The following IGHMBP2 variants were observed in gnomAD, a reference collection of about 807,000 sequenced individuals.
The protein encoded by IGHMBP2 is immunoglobulin mu DNA binding protein 2.
In IGHMBP2, 81 loss-of-function variants were observed where a neutral mutation model predicts 96.0. The ratio of observed to expected loss-of-function variants is 0.84; its 90% CI spans 0.71 to 1.01. The LOEUF is 1.01. Ranked by LOEUF, IGHMBP2 falls within the 50% of genes least tolerant of loss-of-function variation. The pLI, the probability that IGHMBP2 is intolerant of heterozygous loss-of-function variation, is 0.00. For missense variants in IGHMBP2, 1,227 were observed against 1,306.3 expected, an observed-to-expected ratio of 0.94 and a Z score of 0.94; for synonymous variants, 557 against 548.9, an observed-to-expected ratio of 1.01 and a Z score of -0.21.
At chr11:68,924,383 A>C (rs1170186562) in intron 7 of IGHMBP2, among the ~76,000 whole-genome samples, 3 of 152,386 alleles carry the variant, frequency 2.0e-5, no homozygotes, top group Middle Eastern at 3.4e-3. Flanking sequence ...GTAGCAGCTG[A>C]AAACAACCCA....
Position 68,906,133 on chromosome 11 carries a change from C to CAGGTA in IGHMBP2, c.152_156dup (p.Ser53ArgfsTer56). On this transcript the variant is annotated frameshift_variant, in exon 2 of 15. Coordinates refer to ENST00000255078, the MANE Select transcript of IGHMBP2 (RefSeq NM_002180.3). LOFTEE classifies it high-confidence loss of function. ...CCGAGGCGTGTGTTTGCTGAAGCTGCAGGTATCCAGCCAGCGCACTGGGCT... is the reference window on the plus strand; with the variant it reads ...CCGAGGCGTGTGTTTGCTGAAGCTGCAGGTAAGGTATCCAGCCAGCGCACTGGGCT... 1.9e-6 allele frequency: 3 copies of CAGGTA among 1,614,182 alleles called. No individual in the cohort carries two copies. The highest frequency in any genetic ancestry group is 2.5e-6 in the Non-Finnish European group (3 of 1,180,022).
intron 6 of IGHMBP2, among the ~76,000 whole-genome samples, chr11:68,916,975 CTTTTTTTTT>C (rs11418103): frequency 0.29 from 30,453 of 103,664 alleles, 4,647 homozygotes; most frequent in Admixed American, 0.51. Context: ...AAGGTTACAT[CTTTTTTTTT>C]TTTTTTTTTT....
At chr11:68,939,137 A>G (rs1859656760) in intron 14 of IGHMBP2, among the ~76,000 whole-genome samples, 1 of 152,136 alleles carries the variant, frequency 6.6e-6, no homozygotes, top group South Asian at 2.1e-4. Flanking sequence ...GAGGCTGGGC[A>G]TGTCCTGGCG....
intron 7 of IGHMBP2, among the ~76,000 whole-genome samples, chr11:68,921,994 G>T (rs1421049593): frequency 6.6e-6 from 1 of 152,136 alleles, no homozygotes; most frequent in African/African-American, 2.4e-5. Flanking sequence ...CCTTATCCTT[G>T]TTCCTTTGTA....
chr11:68,936,833 AG>A lies in IGHMBP2; in HGVS notation c.2356del (p.Ala786ProfsTer45), dbSNP rs750994603. 3.7e-6 allele frequency: 6 copies of A among 1,613,490 alleles called. No individual in the cohort carries two copies. In the East Asian group the frequency reaches 1.3e-4, roughly 36 times the overall value. The part of the protein sequence containing the change: ...GKRRFITVSK[R>X]APRPRAALGP... ...GAGGAGGTTCATCACTGTGAGCAAG[AG>A]GGCCCCGCGACCCCGAGCAGCCCTG... On this transcript the variant is annotated frameshift_variant, in exon 13 of 15. Transcript: ENST00000255078. LOFTEE classifies it high-confidence loss of function.
intron 13 of IGHMBP2, among the ~76,000 whole-genome samples, chr11:68,937,443 C>T (rs2154009011): frequency 6.6e-6 from 1 of 152,328 alleles, no homozygotes; most frequent in East Asian, 1.9e-4. Flanking sequence ...AACATGTGGC[C>T]CTGGAGGGTG....
chr11:68,915,195 T>TTTTTTTTTTTTTTTTTTTTTTTTTTTG (rs1858612142), intron 6 of IGHMBP2, among the ~76,000 whole-genome samples, 172 bp downstream of exon 6: 1 of 123,568 alleles, frequency 8.1e-6, no homozygotes, highest in Admixed American at 8.9e-5. Context: ...TTTTTTTTTT[T>TTTTTTTTTTTTTTTTTTTTTTTTTTTG]TGTGACAGAG....
Position 68,914,965 on chromosome 11 carries a change from C to G in IGHMBP2, c.854C>G (p.Ala285Gly). The G allele has an allele frequency of 6.2e-7, 1 of 1,614,088 alleles. No homozygotes were observed. Among genetic ancestry groups the G allele is most frequent in the Non-Finnish European group, 8.5e-7 (1 of 1,180,014 alleles). The change falls in exon 6 of 15, where the codon GCG becomes GGG. Residue 285 changes from alanine to glycine, a missense_variant. Around this residue, in one of 3 missense-constraint regions of IGHMBP2, gnomAD observed 507 missense variants for 496.9 expected, o/e 1.02. Coordinates refer to ENST00000255078, the MANE Select transcript of IGHMBP2 (RefSeq NM_002180.3). ...CAGCACTCCCTGGATGCGGTTTTAG[C>G]GCGGAGCGACAGTGCCCAGATTGTT... ...IQQHSLDAVL[A>G]RSDSAQIVAD...
At chr11:68,924,169 G>A (rs1390778314) in intron 7 of IGHMBP2, among the ~76,000 whole-genome samples, 1 of 152,182 alleles carries the variant, frequency 6.6e-6, no homozygotes, top group African/African-American at 2.4e-5. Context: ...ATTTGAGATG[G>A]GAGAGTAAAT....
chr11:68,935,257 G>C, intron 11 of IGHMBP2, 42 bp from the exon 12 acceptor site: 1 of 1,611,658 alleles, frequency 6.2e-7, no homozygotes, highest in Non-Finnish European at 8.5e-7. Context: ...TGCTGCGCTG[G>C]CATGGGTGGG....
intron 5 of IGHMBP2, among the ~76,000 whole-genome samples, chr11:68,914,451 G>A (rs535803508): frequency 6.4e-4 from 98 of 152,332 alleles, no homozygotes; most frequent in African/African-American, 2.3e-3. Flanking sequence ...CAGACCTGCA[G>A]GGGAGCATAC....
Position 68,903,979 on chromosome 11 carries a change from C to T in IGHMBP2, c.27C>T (p.Phe9=). 2 of 1,555,166 alleles carry T rather than the reference C, an allele frequency of 1.3e-6. No homozygotes were observed. Among genetic ancestry groups the T allele is most frequent in the Non-Finnish European group, 1.7e-6 (2 of 1,149,456 alleles). ...TGGCCTCGGCAGCTGTGGAGAGCTTCGTGACCAAGCAACTGGACCTGCTGG... is the reference window on the plus strand; with the variant it reads ...TGGCCTCGGCAGCTGTGGAGAGCTTTGTGACCAAGCAACTGGACCTGCTGG... The part of the protein sequence containing the change: MASAAVES[F]VTKQLDLLEL... The change falls in exon 1 of 15, where the codon TTC becomes TTT. Residue 9 remains phenylalanine, a synonymous_variant. Transcript: ENST00000255078.
chr11:68,930,411 C>T (rs111281309), intron 8 of IGHMBP2: 29 of 1,289,530 alleles, frequency 2.2e-5, no homozygotes, highest in African/African-American at 1.4e-4. Context: ...ATCACAGGGG[C>T]GTGGGCAGCC....
In IGHMBP2 at chr11:68,940,471, TC is replaced by T. The variant is rs1361603458; in HGVS notation, c.*743del. 4 of 152,180 alleles carry T rather than the reference TC, an allele frequency of 2.6e-5. No homozygotes were observed. Among genetic ancestry groups the T allele is most frequent in the Admixed American group, 2.0e-4 (3 of 15,280 alleles). 9.4% of individuals were successfully genotyped at this position (152,180 alleles called of 1,614,324 possible). Reference sequence around the variant, plus strand: ...CTTCAGCACTTACCGATCCAGAGCCTCCCGGCCTTCTCCGGTGTCCTGTACC... The same window carrying T: ...CTTCAGCACTTACCGATCCAGAGCCTCCGGCCTTCTCCGGTGTCCTGTACC... On this transcript the variant is annotated 3_prime_UTR_variant, in exon 15 of 15. Transcript: ENST00000255078.
rs1859712342 is a variant in IGHMBP2 at position 68,940,447 on chromosome 11, T to G, written c.*716T>G. ...AAAGCTGCCCCACAGCCTCAGCATC[T>G]TCAGCACTTACCGATCCAGAGCCTC... On this transcript the variant is annotated 3_prime_UTR_variant, in exon 15 of 15. Coordinates refer to ENST00000255078, the MANE Select transcript of IGHMBP2 (RefSeq NM_002180.3). 2 of 152,340 alleles carry G rather than the reference T, an allele frequency of 1.3e-5. No individual in the cohort carries two copies. The highest frequency in any genetic ancestry group is 4.8e-5 in the African/African-American group (2 of 41,438). The allele number at this position is 152,340 out of a possible 1,614,324, so 9.4% of individuals were successfully genotyped here.
At chr11:68,930,108 A>G in intron 8 of IGHMBP2, 3 of 1,184,308 alleles carry the variant, frequency 2.5e-6, no homozygotes, top group Non-Finnish European at 3.2e-6. Context: ...AACCCTCTGC[A>G]TGGTATCCCT....
At chr11:68,905,190 G>T (rs188057052) in intron 1 of IGHMBP2, among the ~76,000 whole-genome samples, 1 of 152,226 alleles carries the variant, frequency 6.6e-6, no homozygotes, top group Non-Finnish European at 1.5e-5. Flanking sequence ...AGTGTAGCCC[G>T]ATTTGCTGTC....
chr11:68,939,614 G>A lies in IGHMBP2; in HGVS notation c.2865G>A (p.Gly955=). 2 of 1,613,536 alleles carry A rather than the reference G, an allele frequency of 1.2e-6. No individual in the cohort carries two copies. Among genetic ancestry groups the A allele is most frequent in the Non-Finnish European group, 1.7e-6 (2 of 1,180,006 alleles). ...SREGVLYAGS[G]TKNGSLDPAK... ...AAGGGGTCCTCTATGCCGGCAGCGG[G>A]ACCAAGAACGGATCCCTGGACCCAG... Residue 955 remains glycine (G), a synonymous_variant, in exon 15 of 15, where the codon GGG becomes GGA. Transcript: ENST00000255078.
rs757251001 is a variant in IGHMBP2, at chr11:68,939,731, A to C, written c.2982A>C (p.Ter994CysextTer113). ...GCCGGAGGAAGGAGAGGGGGACGTG[A>C]CCGGCCGCATCCTTGCACGCCCCGC... ...RTSRRKERGT[*>C] The change falls in exon 15 of 15, where the codon TGA becomes TGC. Residue 994 changes from the stop codon to cysteine, a stop_lost. Transcript: ENST00000255078. 1 of 1,606,858 alleles carries C rather than the reference A, an allele frequency of 6.2e-7. No individual in the cohort carries two copies. Among genetic ancestry groups the C allele is most frequent in the South Asian group, 1.1e-5 (1 of 89,910 alleles).
Sources: gnomAD v4.1 joint callset for allele counts (sites outside exome capture counted in the v4.1 genomes callset) on GRCh38, gnomAD v4.1.1 for gene constraint, gnomAD v4.1.1 regional missense constraint, MANE v1.5 for transcripts, NCBI Gene and HGNC (gene_info 2026-07-23, HGNC 2026-07-21) for gene names.